The following ATP10B variants were observed in gnomAD, a reference collection of about 807,000 sequenced individuals.
ATP10B encodes the protein ATPase phospholipid transporting 10B (putative), also known as phospholipid-transporting ATPase VB.
In ATP10B, 122 loss-of-function variants were observed where a neutral mutation model predicts 141.2. That is an observed-to-expected ratio of 0.86 (90% confidence interval 0.75 to 1.00). ATP10B has a LOEUF of 1.00. ATP10B is among the 50% of genes least tolerant of loss of function. The probability of loss-of-function intolerance (pLI) is 0.00; values close to 1 mark genes in which losing one functional copy is unlikely to be tolerated. For synonymous variants in ATP10B, 685 were observed against 692.0 expected (o/e 0.99, Z 0.16); for missense variants, 1,876 against 1,825.3 (o/e 1.03, Z -0.51).
intron 6 of ATP10B, among the ~76,000 whole-genome samples, chr5:160,676,797 C>T (rs1329208973): frequency 6.6e-6 from 1 of 152,162 alleles, no homozygotes; most frequent in African/African-American, 2.4e-5. Context: ...AGCATTTAAC[C>T]TCCATTACAG....
At chr5:160,698,036 C>T (rs531427312) in intron 3 of ATP10B, among the ~76,000 whole-genome samples, 1 of 152,320 alleles carries the variant, frequency 6.6e-6, no homozygotes, top group Admixed American at 6.5e-5. Context: ...CACAAATTAT[C>T]TTGCAAGCTA....
intron 2 of ATP10B, among the ~76,000 whole-genome samples, chr5:160,745,560 T>A (rs979749741): frequency 2.5e-4 from 38 of 152,190 alleles, no homozygotes; most frequent in African/African-American, 8.7e-4. Context: ...TGCAGGTGAG[T>A]CAGCATCATG....
Position 160,704,297 on chromosome 5 carries a change from T to C in ATP10B, c.-205+12612A>G, listed in dbSNP as rs1160278885. Reference sequence around the variant, plus strand: ...ATCTTGAACTCCTGACCTCAAGTGATCCTTCTGCCTCAGCTTCCCAAAGAG... The same window carrying C: ...ATCTTGAACTCCTGACCTCAAGTGACCCTTCTGCCTCAGCTTCCCAAAGAG... On this transcript the variant is annotated intron_variant, in intron 3 of 25. Transcript: ENST00000327245. Among the ~76,000 whole-genome samples, 7 of 152,286 alleles carry C rather than the reference T, an allele frequency of 4.6e-5. No homozygotes were observed. In the East Asian group the frequency reaches 1.3e-3, roughly 29 times the overall value.
At chr5:160,846,830 A>G (rs1776154361) in intron 1 of ATP10B, among the ~76,000 whole-genome samples, 1 of 152,220 alleles carries the variant, frequency 6.6e-6, no homozygotes. Flanking sequence ...TCTTCCTGCC[A>G]CATTGTGGCT....
chr5:160,774,714 CTG>C (rs1303484845), intron 2 of ATP10B, among the ~76,000 whole-genome samples: 3 of 152,178 alleles, frequency 2.0e-5, no homozygotes, highest in African/African-American at 7.2e-5. Flanking sequence ...AATCTAGTCT[CTG>C]TATTTTGCTG....
At chr5:160,842,523 T>G (rs1189548270) in intron 1 of ATP10B, among the ~76,000 whole-genome samples, 1 of 151,550 alleles carries the variant, frequency 6.6e-6, no homozygotes, top group Non-Finnish European at 1.5e-5. Context: ...TTTGGTACTA[T>G]GAAAAAGCTA....
intron 7 of ATP10B, among the ~76,000 whole-genome samples, chr5:160,649,860 G>C (rs113798171): frequency 0.022 from 3,370 of 151,816 alleles, 120 homozygotes; most frequent in African/African-American, 0.077. Context: ...GCTCACACCT[G>C]TAATCCCAGC....
At chr5:160,825,240 G>T (rs1774494335) in intron 1 of ATP10B, among the ~76,000 whole-genome samples, 1 of 152,234 alleles carries the variant, frequency 6.6e-6, no homozygotes. Flanking sequence ...GAGTGATATG[G>T]TTTGGCTGTG....
intron 24 of ATP10B, among the ~76,000 whole-genome samples, chr5:160,574,072 C>G (rs1755045759): frequency 6.6e-6 from 1 of 152,162 alleles, no homozygotes; most frequent in South Asian, 2.1e-4. Context: ...TAGGGAAGTT[C>G]CTTGGTTATG....
Position 160,683,040 on chromosome 5 carries a change from CAAAAA to C in ATP10B, c.470+3034_470+3038del, listed in dbSNP as rs35571529. ...GGCGACAGACCAAGACTCTGTCCCC[CAAAAA>C]AAAAAAAAAAAAAAAAAAAGAAGAA... On this transcript the variant is annotated intron_variant, in intron 6 of 25. Transcript: ENST00000327245. Among the ~76,000 whole-genome samples the C allele has an allele frequency of 9.5e-3, 637 of 67,010 alleles. 8 individuals carry two copies. Among genetic ancestry groups the C allele is most frequent in the African/African-American group, 0.031 (545 of 17,756 alleles). The allele number at this position is 67,010 out of a possible 152,430, so 44.0% of individuals were successfully genotyped here.
chr5:160,871,419 A>G, the ATP10B span, among the ~76,000 whole-genome samples: 7 of 152,086 alleles, frequency 4.6e-5, no homozygotes, highest in East Asian at 1.9e-4. Flanking sequence ...ATTTGGTTAC[A>G]TAAGTTCTTT....
chr5:160,833,774 A>AT (rs1223710791), intron 1 of ATP10B, among the ~76,000 whole-genome samples: 1 of 152,186 alleles, frequency 6.6e-6, no homozygotes, highest in African/African-American at 2.4e-5. Flanking sequence ...ACTTTGTGTG[A>AT]TGTTTTTAAA....
At chr5:160,862,853 A>G in the ATP10B span, among the ~76,000 whole-genome samples, 1 of 151,988 alleles carries the variant, frequency 6.6e-6, no homozygotes, top group Non-Finnish European at 1.5e-5. Context: ...AGTTCCTTGG[A>G]AACAGACCAT....
chr5:160,806,851 C>T (rs1772809766), intron 1 of ATP10B, among the ~76,000 whole-genome samples: 1 of 152,160 alleles, frequency 6.6e-6, no homozygotes, highest in African/African-American at 2.4e-5. Context: ...GCCATCCTGC[C>T]TTCTAGAATT....
the ATP10B span, among the ~76,000 whole-genome samples, chr5:160,919,033 G>A: frequency 2.0e-5 from 3 of 150,594 alleles, 1 homozygote; most frequent in African/African-American, 7.4e-5. Context: ...AGACCATCCT[G>A]GCTAACACGG....
At chr5:160,595,591 A>G (rs1756622724) in intron 22 of ATP10B, among the ~76,000 whole-genome samples, 4 of 152,256 alleles carry the variant, frequency 2.6e-5, no homozygotes, top group Admixed American at 6.5e-5. Context: ...CAAAAAATCA[A>G]TGAATCCAGG....
intron 8 of ATP10B, among the ~76,000 whole-genome samples, chr5:160,648,408 C>T (rs192331109): frequency 4.6e-5 from 7 of 152,096 alleles, no homozygotes. Flanking sequence ...CCAATGTGGC[C>T]CAGGGAAGCC....
At chr5:160,653,051 AT>A (rs1761009328) in intron 7 of ATP10B, among the ~76,000 whole-genome samples, 1 of 115,646 alleles carries the variant, frequency 8.6e-6, no homozygotes, top group Non-Finnish European at 1.7e-5. Context: ...TATGTATATA[AT>A]TATGTATATA....
At chr5:160,584,388 T>A (rs1364671952) in intron 24 of ATP10B, among the ~76,000 whole-genome samples, 3 of 152,184 alleles carry the variant, frequency 2.0e-5, no homozygotes, top group South Asian at 2.1e-4. Flanking sequence ...CCCAGTGAGA[T>A]GAGCTGGGTA....
Sources: allele counts gnomAD v4.1 joint callset (sites outside exome capture counted in the v4.1 genomes callset), GRCh38; gene constraint gnomAD v4.1.1; transcripts MANE v1.5; gene names NCBI Gene and HGNC (gene_info 2026-07-23, HGNC 2026-07-21).